OSBPL9: variants seen among roughly 807,000 people sequenced by gnomAD.
OSBPL9 encodes the protein oxysterol-binding protein-related protein 9.
A neutral mutation model predicts 106.6 loss-of-function variants in OSBPL9; 40 were observed. The observed-to-expected ratio is 0.38, with a 90% CI of 0.29 to 0.49. The LOEUF is 0.49. OSBPL9 is among the 20% of genes least tolerant of loss of function. The pLI is 0.97. For synonymous variants in OSBPL9, 269 were observed against 295.4 expected, an observed-to-expected ratio of 0.91 and a Z score of 0.92; for missense variants, 609 against 887.2, an observed-to-expected ratio of 0.69 and a Z score of 3.98.
chr1:51,749,111 T>C (rs1200834442), intron 7 of OSBPL9, among the ~76,000 whole-genome samples: 1 of 152,006 alleles, frequency 6.6e-6, no homozygotes, highest in African/African-American at 2.4e-5. Context: ...GATGGGATTA[T>C]AGGCATGAGC....
At chr1:51,588,973 A>G (rs1645260237) in intron 1 of OSBPL9, among the ~76,000 whole-genome samples, 1 of 152,226 alleles carries the variant, frequency 6.6e-6, no homozygotes, top group African/African-American at 2.4e-5. Context: ...ACGGAGAGAC[A>G]GAGAGAGATA....
chr1:51,621,134 G>A (rs751354078), intron 1 of OSBPL9, among the ~76,000 whole-genome samples: 4 of 152,196 alleles, frequency 2.6e-5, no homozygotes, highest in Non-Finnish European at 5.9e-5. Flanking sequence ...TGTTTTATTA[G>A]TACTCCCATT....
chr1:51,638,436 G>C (rs180993238), intron 1 of OSBPL9, among the ~76,000 whole-genome samples: 1 of 152,096 alleles, frequency 6.6e-6, no homozygotes, highest in Non-Finnish European at 1.5e-5. Flanking sequence ...TTAGGAGTCC[G>C]TGCTCTCTTA....
chr1:51,700,527 T>C (rs1657001860), intron 3 of OSBPL9, among the ~76,000 whole-genome samples: 1 of 152,232 alleles, frequency 6.6e-6, no homozygotes, highest in African/African-American at 2.4e-5. Context: ...TGGTCAGTTA[T>C]TTTGTAGAAT....
At chr1:51,587,000 A>G (rs1259184373) in intron 1 of OSBPL9, among the ~76,000 whole-genome samples, 1 of 152,112 alleles carries the variant, frequency 6.6e-6, no homozygotes, top group African/African-American at 2.4e-5. Context: ...CAGTTTCCTC[A>G]TCTCTACTTC....
the OSBPL9 span, among the ~76,000 whole-genome samples, chr1:51,531,484 T>C: frequency 6.6e-6 from 1 of 152,066 alleles, no homozygotes; most frequent in Non-Finnish European, 1.5e-5. Flanking sequence ...CCAGATTTGC[T>C]AAAGGATTAA....
chr1:51,760,653 T>A lies in OSBPL9; in HGVS notation c.583-37T>A, dbSNP rs765458531. The A allele has an allele frequency of 1.2e-5, 20 of 1,612,424 alleles. No individual in the cohort carries two copies. In the Admixed American group the frequency reaches 1.3e-4, roughly 11 times the overall value. On this transcript the variant is annotated intron_variant, in intron 9 of 23. Coordinates refer to ENST00000428468, the MANE Select transcript of OSBPL9 (RefSeq NM_024586.6). ...GGGAGGGTAGCATGAGAAGAGCATTTAATTAAAAATAGCTATATTGTGTTT... is the reference window on the plus strand; with the variant it reads ...GGGAGGGTAGCATGAGAAGAGCATTAAATTAAAAATAGCTATATTGTGTTT...
chr1:51,676,657 T>TAAAA (rs745556662), intron 3 of OSBPL9, among the ~76,000 whole-genome samples: 1 of 88,870 alleles, frequency 1.1e-5, no homozygotes. Context: ...AGACTCCATC[T>TAAAA]AAAAAAAAAA....
intron 11 of OSBPL9, among the ~76,000 whole-genome samples, chr1:51,764,303 G>C (rs1398743283): frequency 1.3e-5 from 2 of 151,802 alleles, no homozygotes; most frequent in Non-Finnish European, 2.9e-5. Flanking sequence ...TGCAATTCTT[G>C]ATCAATTTTT....
chr1:51,735,965 A>G (rs1296262953), intron 4 of OSBPL9, among the ~76,000 whole-genome samples: 1 of 152,224 alleles, frequency 6.6e-6, no homozygotes, highest in Non-Finnish European at 1.5e-5. Context: ...TAAATCCCTT[A>G]AAATAACTCT....
At position 51,748,258 on chromosome 1, in the gene OSBPL9, A is replaced by G. The variant is rs1356924966; in HGVS notation, c.463-111A>G. ...CTCCCTTCCCAACTTGCTTGTACTC[A>G]CTTAGAATGAGTACATTTTGGTAAA... On this transcript the variant is annotated intron_variant, in intron 6 of 23. Transcript: ENST00000428468. 6 of 1,322,168 alleles carry G rather than the reference A, an allele frequency of 4.5e-6. No homozygotes were observed. In the East Asian group the frequency reaches 1.8e-4, roughly 40 times the overall value. 81.9% of individuals were successfully genotyped at this position (1,322,168 alleles called of 1,614,324 possible).
chr1:51,621,094 C>T (rs1346532814), intron 1 of OSBPL9, among the ~76,000 whole-genome samples: 1 of 152,188 alleles, frequency 6.6e-6, no homozygotes, highest in Non-Finnish European at 1.5e-5. Context: ...TTTCATCCAG[C>T]TTATACAAGT....
intron 3 of OSBPL9, among the ~76,000 whole-genome samples, chr1:51,705,390 TATA>T: frequency 1.5e-5 from 1 of 64,722 alleles, no homozygotes. Flanking sequence ...TATATATATA[TATA>T]TATATATTTT....
chr1:51,571,390 G>C, the OSBPL9 span, among the ~76,000 whole-genome samples: 2 of 152,180 alleles, frequency 1.3e-5, no homozygotes, highest in South Asian at 4.1e-4. Context: ...GCTTGGCCTG[G>C]CATGGTGGTT....
chr1:51,705,238 C>T (rs536271203), intron 3 of OSBPL9, among the ~76,000 whole-genome samples: 152 of 151,266 alleles, frequency 1.0e-3, no homozygotes, highest in Non-Finnish European at 1.9e-3. Context: ...GTTTCGAACT[C>T]TTGGGCTCAA....
At chr1:51,577,431 G>A (rs72663114) in intron 1 of OSBPL9, among the ~76,000 whole-genome samples, 3,043 of 146,646 alleles carry the variant, frequency 0.021, 53 homozygotes, top group South Asian at 0.037. Context: ...GTGCCACCAC[G>A]CCCGGCTAAT....
chr1:51,656,958 C>A (rs1646857731), intron 2 of OSBPL9, among the ~76,000 whole-genome samples: 1 of 152,130 alleles, frequency 6.6e-6, no homozygotes, highest in African/African-American at 2.4e-5. Flanking sequence ...AAATTACAGG[C>A]ACCAGCGACC....
At chr1:51,732,000 A>C (rs937586990) in intron 4 of OSBPL9, among the ~76,000 whole-genome samples, 1 of 152,230 alleles carries the variant, frequency 6.6e-6, no homozygotes, top group Non-Finnish European at 1.5e-5. Flanking sequence ...CTAAAGTTCT[A>C]TGATATTTTT....
At chr1:51,715,509 G>A (rs1660875431) in intron 4 of OSBPL9, among the ~76,000 whole-genome samples, 3 of 152,078 alleles carry the variant, frequency 2.0e-5, no homozygotes, top group Admixed American at 2.0e-4. Context: ...GATGTGGTTT[G>A]TCTCGGCTCA....
Sources: allele counts gnomAD v4.1 joint callset (sites outside exome capture counted in the v4.1 genomes callset), GRCh38; gene constraint gnomAD v4.1.1; transcripts MANE v1.5; gene names NCBI Gene and HGNC (gene_info 2026-07-23, HGNC 2026-07-21).